MYRIP: variants seen among roughly 807,000 people sequenced by gnomAD.
MYRIP encodes the protein myosin VIIA and Rab interacting protein.
Under a neutral mutation model 98.0 loss-of-function variants are expected in MYRIP, and 49 were observed. The ratio of observed to expected loss-of-function variants is 0.50; its 90% confidence interval spans 0.40 to 0.63. MYRIP has a LOEUF of 0.63. Among genes scored for constraint, MYRIP ranks in the 30% least tolerant of loss-of-function variants. The probability of loss-of-function intolerance (pLI) is 0.00; values close to 1 mark genes in which losing one functional copy is unlikely to be tolerated. For synonymous variants in MYRIP, 404 were observed against 409.5 expected, an observed-to-expected ratio of 0.99 and a Z score of 0.16; for missense variants, 1,004 against 1,058.2, an observed-to-expected ratio of 0.95 and a Z score of 0.71.
chr3:39,817,611 A>T (rs1940963436), intron 1 of MYRIP, among the ~76,000 whole-genome samples: 1 of 152,194 alleles, frequency 6.6e-6, no homozygotes. Context: ...TTCAAGATAA[A>T]ATCAATATAA....
Position 39,900,792 on chromosome 3 carries a change from G to T in MYRIP, c.-25G>T. On this transcript the variant is annotated 5_prime_UTR_variant, in exon 2 of 17. Transcript: ENST00000302541. Reference sequence around the variant, plus strand: ...GTATCATTTTGGTTTCCCAGGTCTTGTTTCATCATCTGTGTTGAGTAACCA... The same window carrying T: ...GTATCATTTTGGTTTCCCAGGTCTTTTTTCATCATCTGTGTTGAGTAACCA... 6.3e-7 allele frequency: 1 copy of T among 1,579,144 alleles called. No individual in the cohort carries two copies.
chr3:40,229,355 G>A (rs1338799126), intron 11 of MYRIP, among the ~76,000 whole-genome samples: 1 of 152,128 alleles, frequency 6.6e-6, no homozygotes, highest in African/African-American at 2.4e-5. Context: ...TCTGCCTACA[G>A]TCCCTAGAGG....
chr3:40,244,560 G>A lies in MYRIP; in HGVS notation c.2215G>A (p.Asp739Asn). Residue 739 changes from aspartate (D) to asparagine (N), a missense_variant, in exon 13 of 17, where the codon GAC (aspartate) becomes AAC (asparagine). Asp to Asn is a conservative substitution (Grantham distance 23). Transcript: ENST00000302541. ...TGAGACCCATCTGGCGGATCTGGAG[G>A]ACCAGGTGGCCACGGCTGCAGCCCA... ...TDETHLADLE[D>N]QVATAAAQVH... is the part of the protein sequence containing the mutation. 5 of 1,613,996 alleles carry A rather than the reference G, an allele frequency of 3.1e-6. No individual in the cohort carries two copies. The African/African-American group carries it at 4.0e-5, about 13-fold the overall frequency.
At chr3:39,853,804 C>T (rs897166249) in intron 1 of MYRIP, among the ~76,000 whole-genome samples, 3 of 151,896 alleles carry the variant, frequency 2.0e-5, no homozygotes, top group Non-Finnish European at 4.4e-5. Flanking sequence ...TTTGCTTTTG[C>T]GTTCTCGGTC....
At chr3:40,203,717 T>C (rs1951641621) in intron 10 of MYRIP, among the ~76,000 whole-genome samples, 1 of 97,856 alleles carries the variant, frequency 1.0e-5, no homozygotes, top group South Asian at 3.2e-4. Context: ...TATATATTTT[T>C]ATATATTTAT....
intron 11 of MYRIP, among the ~76,000 whole-genome samples, chr3:40,222,278 A>T (rs978918547): frequency 7.9e-5 from 12 of 152,178 alleles, no homozygotes; most frequent in African/African-American, 2.9e-4. Flanking sequence ...AGAAATTTAT[A>T]TGAAGGTGGC....
intron 2 of MYRIP, among the ~76,000 whole-genome samples, chr3:40,027,049 AG>A (rs2125813564): frequency 6.6e-6 from 1 of 152,124 alleles, no homozygotes; most frequent in Admixed American, 6.6e-5. Flanking sequence ...CCTTCCTCTG[AG>A]CTGCTAAAAC....
chr3:40,003,406 A>G (rs1425220946), intron 2 of MYRIP, among the ~76,000 whole-genome samples: 1 of 152,230 alleles, frequency 6.6e-6, no homozygotes, highest in Non-Finnish European at 1.5e-5. Flanking sequence ...GGGACACTGA[A>G]GATCTACTTG....
At chr3:40,065,476 C>A (rs996053438) in intron 3 of MYRIP, among the ~76,000 whole-genome samples, 1 of 152,110 alleles carries the variant, frequency 6.6e-6, no homozygotes, top group Non-Finnish European at 1.5e-5. Context: ...ATACTTGCCA[C>A]TCATCAGTGG....
At chr3:40,132,428 G>GT (rs11401300) in intron 3 of MYRIP, among the ~76,000 whole-genome samples, 109,127 of 152,124 alleles carry the variant, frequency 0.72, 39,492 homozygotes, top group Admixed American at 0.81. Flanking sequence ...CTGCCCACCT[G>GT]AGCTCCTAAA....
chr3:40,173,208 G>A (rs1004436078), intron 8 of MYRIP: 5 of 152,134 alleles, frequency 3.3e-5, no homozygotes, highest in Admixed American at 6.5e-5. Flanking sequence ...CTCCACATGA[G>A]AGCACCCTGC....
chr3:40,053,966 A>T (rs753562766), intron 3 of MYRIP, among the ~76,000 whole-genome samples: 4 of 152,144 alleles, frequency 2.6e-5, no homozygotes, highest in Non-Finnish European at 5.9e-5. Context: ...GCCCCAACAC[A>T]GCATAGTGGC....
chr3:39,865,612 A>T (rs994377293), intron 1 of MYRIP, among the ~76,000 whole-genome samples: 2 of 152,214 alleles, frequency 1.3e-5, no homozygotes, highest in African/African-American at 4.8e-5. Context: ...ATGCACATCA[A>T]AACTGCAATG....
intron 9 of MYRIP, among the ~76,000 whole-genome samples, chr3:40,188,610 T>C (rs1951104298): frequency 6.6e-6 from 1 of 152,082 alleles, no homozygotes; most frequent in Non-Finnish European, 1.5e-5. Context: ...AAACCCCGCC[T>C]CTACTAAAAA....
At chr3:40,085,534 T>TC (rs1261982812) in intron 3 of MYRIP, among the ~76,000 whole-genome samples, 3 of 152,238 alleles carry the variant, frequency 2.0e-5, no homozygotes, top group Non-Finnish European at 4.4e-5. Context: ...TCTGCCTGCC[T>TC]CAGCCTCCCA....
At position 39,968,325 on chromosome 3, in the gene MYRIP, A is replaced by AC. The variant is rs1456660940; in HGVS notation, c.110+67401dup. ...GTAGCTGGGACTACAGGCACGTGCC[A>AC]CCATACCAGACTAATTTTTAAGAGA... On this transcript the variant is annotated intron_variant, in intron 2 of 16. Coordinates refer to ENST00000302541, the MANE Select transcript of MYRIP (RefSeq NM_015460.4). Among the ~76,000 whole-genome samples the AC allele has an allele frequency of 9.9e-5, 15 of 151,808 alleles. No individual in the cohort carries two copies. In the East Asian group the frequency reaches 2.3e-3, roughly 24 times the overall value.
At chr3:40,223,757 G>T (rs1559463571) in intron 11 of MYRIP, among the ~76,000 whole-genome samples, 1 of 152,294 alleles carries the variant, frequency 6.6e-6, no homozygotes, top group East Asian at 1.9e-4. Context: ...GTTCAAGGAG[G>T]TGCAATGCAG....
chr3:39,991,479 G>A (rs1946174049), intron 2 of MYRIP, among the ~76,000 whole-genome samples: 1 of 152,150 alleles, frequency 6.6e-6, no homozygotes, highest in African/African-American at 2.4e-5. Context: ...CTTTCTCTAG[G>A]AATAGTTGCC....
chr3:39,824,845 A>T (rs1407703134), intron 1 of MYRIP, among the ~76,000 whole-genome samples: 1 of 152,056 alleles, frequency 6.6e-6, no homozygotes, highest in Non-Finnish European at 1.5e-5. Flanking sequence ...CCTCCCAAGT[A>T]ATTGTGACTA....
Sources: allele counts gnomAD v4.1 joint callset (sites outside exome capture counted in the v4.1 genomes callset), GRCh38; gene constraint gnomAD v4.1.1; transcripts MANE v1.5; gene names NCBI Gene and HGNC (gene_info 2026-07-23, HGNC 2026-07-21).